Variants in JPH2 observed in about 807,000 individuals in gnomAD.
JPH2 encodes junctophilin-2.
JPH2 carries 38 observed loss-of-function variants against 55.9 expected under a neutral mutation model. The ratio of observed to expected loss-of-function variants is 0.68; its 90% CI spans 0.52 to 0.89. The LOEUF is 0.89. Among genes scored for constraint, JPH2 ranks in the 40% least tolerant of loss-of-function variants. The pLI, the probability that JPH2 is intolerant of heterozygous loss-of-function variation, is 0.00. For synonymous variants in JPH2, 480 were observed against 472.4 expected, an observed-to-expected ratio of 1.02 and a Z score of -0.21; for missense variants, 964 against 1,037.6, an observed-to-expected ratio of 0.93 and a Z score of 0.97.
At position 44,107,669 on chromosome 20, in the gene JPH2, C is replaced by T. The variant is rs1273814472; in HGVS notation, c.*5849G>A. 2.0e-5 allele frequency among the ~76,000 whole-genome samples: 3 copies of T among 152,182 alleles called. No homozygotes were observed. Among genetic ancestry groups the T allele is most frequent in the African/African-American group, 7.2e-5 (3 of 41,432 alleles). The stretch of plus-strand genomic sequence containing the variant: ...TTATATGGTGTATAGCAATTATAAA[C>T]TGTGGAGTCAATTACCTCAGCCAAG... On this transcript the variant is annotated 3_prime_UTR_variant, in exon 6 of 6. Coordinates refer to ENST00000372980, the MANE Select transcript of JPH2 (RefSeq NM_020433.5).
At chr20:44,143,767 T>G (rs915455987) in intron 2 of JPH2, among the ~76,000 whole-genome samples, 1 of 152,146 alleles carries the variant, frequency 6.6e-6, no homozygotes, top group Non-Finnish European at 1.5e-5. Flanking sequence ...GCATGGCACA[T>G]GCAGGCTGAC....
Position 44,120,857 on chromosome 20 carries a change from G to A in JPH2, c.1170-2234C>T, listed in dbSNP as rs552292849. On this transcript the variant is annotated intron_variant, in intron 2 of 5. Transcript: ENST00000372980. ...GGGCCCATGGGCAAGGGTTAGACAA[G>A]CTTGCTCTATACCAGTAGCTGAGCA... is the stretch of plus-strand genomic sequence containing the variant. 2.8e-4 allele frequency among the ~76,000 whole-genome samples: 42 copies of A among 152,340 alleles called. No homozygotes were observed. In the South Asian group the frequency reaches 8.3e-3, roughly 30 times the overall value.
rs1404380416 is a variant in JPH2 at position 44,133,970 on chromosome 20, A to G, written c.1170-15347T>C. 4.3e-5 allele frequency among the ~76,000 whole-genome samples: 2 copies of G among 46,656 alleles called. 1 individual carries two copies. The highest frequency in any genetic ancestry group is 6.9e-5 in the Non-Finnish European group (2 of 29,112). The allele number at this position is 46,656 out of a possible 152,430, so 30.6% of individuals were successfully genotyped here. A position where few individuals can be genotyped will look rare whatever the true frequency, so the allele number is the denominator to read the frequency against. On this transcript the variant is annotated intron_variant, in intron 2 of 5. Coordinates refer to ENST00000372980, the MANE Select transcript of JPH2 (RefSeq NM_020433.5). ...ATATATATAAATAAATATATATTAT[A>G]ATATATAAATATATATTATTATAAA...
intron 1 of JPH2, among the ~76,000 whole-genome samples, chr20:44,183,238 C>T (rs2072801781): frequency 6.6e-6 from 1 of 152,222 alleles, no homozygotes; most frequent in African/African-American, 2.4e-5. Flanking sequence ...GGCTTGCTTT[C>T]TGCTGTGTCT....
intron 2 of JPH2, among the ~76,000 whole-genome samples, chr20:44,119,640 A>G (rs559938294): frequency 3.9e-5 from 6 of 152,082 alleles, no homozygotes; most frequent in Non-Finnish European, 8.8e-5. Context: ...TTGGGAGGCC[A>G]AGGCAGGCGG....
chr20:44,145,465 G>C (rs528792793), intron 2 of JPH2, among the ~76,000 whole-genome samples: 1 of 152,200 alleles, frequency 6.6e-6, no homozygotes, highest in Admixed American at 6.5e-5. Flanking sequence ...AGTTAGCTGG[G>C]TGTGGTAGCG....
intron 2 of JPH2, among the ~76,000 whole-genome samples, chr20:44,123,142 A>C (rs1406498774): frequency 6.6e-6 from 1 of 152,106 alleles, no homozygotes; most frequent in Non-Finnish European, 1.5e-5. Context: ...GGAAGCAAGC[A>C]TACTCCCTGT....
chr20:44,171,351 A>G (rs921425870), intron 1 of JPH2, among the ~76,000 whole-genome samples: 2 of 152,140 alleles, frequency 1.3e-5, no homozygotes, highest in African/African-American at 4.8e-5. Flanking sequence ...CAGTCATTAG[A>G]TGTGAAGGAG....
chr20:44,137,353 G>A (rs2072420977), intron 2 of JPH2, among the ~76,000 whole-genome samples: 1 of 152,002 alleles, frequency 6.6e-6, no homozygotes, highest in African/African-American at 2.4e-5. Flanking sequence ...CTTTCTGTGA[G>A]CCGGAGGAAT....
chr20:44,162,775 TATATATATATATACACACAC>T (rs1490366515), intron 1 of JPH2, among the ~76,000 whole-genome samples: 9 of 83,088 alleles, frequency 1.1e-4, no homozygotes, highest in African/African-American at 4.6e-4. Context: ...TATATATATA[TATATATATATATACACACAC>T]ACACACACAC....
intron 5 of JPH2, 148 bp downstream of exon 5, chr20:44,114,634 G>T: frequency 2.2e-5 from 12 of 549,312 alleles, no homozygotes; most frequent in East Asian, 8.0e-5. Context: ...TCACACTCTA[G>T]GTCTTGGCTT....
At position 44,114,814 on chromosome 20, in the gene JPH2, A is replaced by C; in HGVS notation, c.2073T>G (p.Phe691Leu). ...ILLNIGLAIL[F>L]VHLLT is the part of the protein sequence containing the mutation. Reference sequence around the variant, plus strand: ...GCGACGGTCAGGTCAGGAGGTGAACAAAGAGGATGGCCAGGCCGATGTTCA... The same window carrying C: ...GCGACGGTCAGGTCAGGAGGTGAACCAAGAGGATGGCCAGGCCGATGTTCA... The change falls in exon 5 of 6, where the codon TTT becomes TTG. Residue 691 changes from phenylalanine (F) to leucine (L), a missense_variant. Transcript: ENST00000372980. The C allele has an allele frequency of 6.2e-7, 1 of 1,605,046 alleles. No homozygotes were observed. Among genetic ancestry groups the C allele is most frequent in the Admixed American group, 1.7e-5 (1 of 58,776 alleles).
rs1360719565 is a variant in JPH2 at position 44,114,765 on chromosome 20, C to T, written c.*14+17G>A. On this transcript the variant is annotated intron_variant, in intron 5 of 5. Transcript: ENST00000372980. ...GGCTCCTGCCCCCCAACCCCTCCTCCAGCCAGCTGGCTGCACCTGGTAAGC... is the reference window on the plus strand; with the variant it reads ...GGCTCCTGCCCCCCAACCCCTCCTCTAGCCAGCTGGCTGCACCTGGTAAGC... 6.4e-7 allele frequency: 1 copy of T among 1,572,506 alleles called. No homozygotes were observed. Among genetic ancestry groups the T allele is most frequent in the Non-Finnish European group, 8.7e-7 (1 of 1,155,602 alleles).
chr20:44,118,645 A>G (rs751726866), intron 2 of JPH2, 22 bp from the exon 3 acceptor site: 28 of 1,582,946 alleles, frequency 1.8e-5, no homozygotes, highest in Middle Eastern at 3.3e-4. Flanking sequence ...ATGTGGCAGA[A>G]GACTCAGGAT....
intron 1 of JPH2, chr20:44,177,557 T>C: frequency 1.7e-6 from 2 of 1,144,822 alleles, no homozygotes; most frequent in South Asian, 4.0e-5. Context: ...CTCCATAGAA[T>C]GCCCAGAAGC....
Position 44,118,901 on chromosome 20 carries a change from T to G in JPH2, c.1170-278A>C, listed in dbSNP as rs183116678. ...GCCAGTGCATTATGGGAAGACATCA[T>G]GTATGCTATTTCCAGGCTTGGCCCA... On this transcript the variant is annotated intron_variant, in intron 2 of 5. Transcript: ENST00000372980. Among the ~76,000 whole-genome samples the G allele has an allele frequency of 1.8e-3, 273 of 152,344 alleles. No individual in the cohort carries two copies. Among genetic ancestry groups the G allele is most frequent in the Non-Finnish European group, 1.4e-3 (98 of 68,034 alleles).
chr20:44,125,504 C>T (rs2072269278), intron 2 of JPH2, among the ~76,000 whole-genome samples: 1 of 152,206 alleles, frequency 6.6e-6, no homozygotes, highest in Non-Finnish European at 1.5e-5. Flanking sequence ...CAAGCTCTTA[C>T]CCATGACACC....
chr20:44,161,029 T>C (rs2072606309), intron 1 of JPH2, among the ~76,000 whole-genome samples: 1 of 152,058 alleles, frequency 6.6e-6, no homozygotes, highest in Admixed American at 6.5e-5. Context: ...TGAGCCATGA[T>C]TGTGCCACTG....
Position 44,116,315 on chromosome 20 carries a change from C to A in JPH2, c.1360G>T (p.Asp454Tyr). The change falls in exon 4 of 6, where the codon GAC (aspartate) becomes TAC (tyrosine). Residue 454 changes from aspartate (D) to tyrosine (Y), a missense_variant. By Grantham distance (160) the Asp-to-Tyr change is radical. Transcript: ENST00000372980. ...ENSESLLEPP[D>Y]RGAGAAGLPQ... ...AGGCCCGCTGCGCCGGCGCCCCGGT[C>A]GGGGGGCTCCAGCAGGCTCTCCGAG... 1 of 1,543,504 alleles carries A rather than the reference C, an allele frequency of 6.5e-7. No homozygotes were observed. The highest frequency in any genetic ancestry group is 1.2e-5 in the South Asian group (1 of 83,722).
Sources: gnomAD v4.1 joint callset for allele counts (sites outside exome capture counted in the v4.1 genomes callset) on GRCh38, gnomAD v4.1.1 for gene constraint, MANE v1.5 for transcripts, NCBI Gene and HGNC (gene_info 2026-07-23, HGNC 2026-07-21) for gene names.